The following ZDHHC2 variants were observed in gnomAD, a reference collection of about 807,000 sequenced individuals.
ZDHHC2 encodes zDHHC palmitoyltransferase 2.
A neutral mutation model predicts 55.6 loss-of-function variants in ZDHHC2; 51 were observed. That is an observed-to-expected ratio of 0.92 (90% CI 0.73 to 1.16). The LOEUF (loss-of-function observed/expected upper bound fraction) is 1.16. ZDHHC2 is among the 50% of genes most tolerant of loss of function. ZDHHC2 has a pLI of 0.00. For synonymous variants in ZDHHC2, 199 were observed against 152.9 expected (o/e 1.30, Z -2.22); for missense variants, 491 against 442.4 (o/e 1.11, Z -0.99).
intron 1 of ZDHHC2, among the ~76,000 whole-genome samples, chr8:17,159,843 C>T (rs1464524175): frequency 1.3e-5 from 2 of 152,084 alleles, no homozygotes; most frequent in African/African-American, 4.8e-5. Flanking sequence ...TGTATTCCTC[C>T]CCCTCCATCC....
At chr8:17,171,504 G>A (rs186859620) in intron 1 of ZDHHC2, among the ~76,000 whole-genome samples, 5 of 152,182 alleles carry the variant, frequency 3.3e-5, no homozygotes, top group East Asian at 1.9e-4. Flanking sequence ...ATGAGGTGAC[G>A]TCTTTATTCC....
intron 6 of ZDHHC2, among the ~76,000 whole-genome samples, chr8:17,199,146 C>T (rs961682844): frequency 6.6e-6 from 1 of 152,144 alleles, no homozygotes; most frequent in Non-Finnish European, 1.5e-5. Context: ...CCCACAGGTC[C>T]ACAGTAGGTA....
At chr8:17,171,445 T>C (rs1435090103) in intron 1 of ZDHHC2, among the ~76,000 whole-genome samples, 3 of 152,196 alleles carry the variant, frequency 2.0e-5, no homozygotes, top group Non-Finnish European at 4.4e-5. Flanking sequence ...GAAATGGTCC[T>C]TCCCTTTGCC....
At chr8:17,175,102 C>G (rs1805062654) in intron 1 of ZDHHC2, among the ~76,000 whole-genome samples, 1 of 152,068 alleles carries the variant, frequency 6.6e-6, no homozygotes, top group Non-Finnish European at 1.5e-5. Context: ...TAATTTCTAG[C>G]ATAGTTTAGC....
At chr8:17,208,895 T>G (rs527525783) in intron 8 of ZDHHC2, among the ~76,000 whole-genome samples, 57 of 152,228 alleles carry the variant, frequency 3.7e-4, no homozygotes, top group Middle Eastern at 3.4e-3. Flanking sequence ...GATAATATGA[T>G]CCTTTGAAAT....
At chr8:17,207,904 G>C in intron 7 of ZDHHC2, 56 bp from the exon 8 acceptor site, 1 of 1,262,336 alleles carries the variant, frequency 7.9e-7, no homozygotes. Context: ...ACTTATAAAA[G>C]TAGGGGAATA....
chr8:17,198,495 C>A, intron 6 of ZDHHC2, 82 bp downstream of exon 6: 1 of 1,312,418 alleles, frequency 7.6e-7, no homozygotes, highest in South Asian at 1.7e-5. Flanking sequence ...TAAATCTTTT[C>A]ACACATGAAA....
intron 1 of ZDHHC2, among the ~76,000 whole-genome samples, chr8:17,158,895 T>A (rs905608199): frequency 5.3e-5 from 8 of 152,240 alleles, no homozygotes; most frequent in African/African-American, 1.9e-4. Flanking sequence ...AACAAATAAA[T>A]GATTCAGAGG....
intron 1 of ZDHHC2, among the ~76,000 whole-genome samples, chr8:17,183,480 C>G (rs1805540163): frequency 6.6e-6 from 1 of 152,186 alleles, no homozygotes; most frequent in South Asian, 2.1e-4. Context: ...GGAGAACAGG[C>G]CATTTGTAAA....
At chr8:17,174,605 A>C (rs1805033720) in intron 1 of ZDHHC2, among the ~76,000 whole-genome samples, 1 of 152,182 alleles carries the variant, frequency 6.6e-6, no homozygotes, top group Non-Finnish European at 1.5e-5. Context: ...ACAGAAAGCA[A>C]ATCTTTTGGG....
At chr8:17,216,203 G>T (rs965808819) in intron 11 of ZDHHC2, among the ~76,000 whole-genome samples, 2 of 152,148 alleles carry the variant, frequency 1.3e-5, no homozygotes, top group African/African-American at 4.8e-5. Flanking sequence ...AAATAAACCA[G>T]TCAACGTTTT....
chr8:17,215,445 T>C (rs755393322), intron 11 of ZDHHC2, 96 bp downstream of exon 11: 6 of 966,254 alleles, frequency 6.2e-6, no homozygotes, highest in Non-Finnish European at 9.5e-6. Flanking sequence ...ACAGATGTTT[T>C]CTTAGTTTGG....
At chr8:17,189,791 A>C (rs560281384) in intron 3 of ZDHHC2, among the ~76,000 whole-genome samples, 2 of 152,348 alleles carry the variant, frequency 1.3e-5, no homozygotes, top group South Asian at 4.1e-4. Flanking sequence ...TTATAACGGT[A>C]TCAGGCTTCA....
At chr8:17,182,491 A>G (rs544708112) in intron 1 of ZDHHC2, among the ~76,000 whole-genome samples, 2 of 152,222 alleles carry the variant, frequency 1.3e-5, no homozygotes, top group African/African-American at 4.8e-5. Context: ...GCGAAAGTGT[A>G]ATTGGATACA....
chr8:17,163,018 T>C (rs1804423920), intron 1 of ZDHHC2: 1 of 152,246 alleles, frequency 6.6e-6, no homozygotes, highest in Admixed American at 6.5e-5. Flanking sequence ...TTGTTTTAGC[T>C]CCCTCACTTC....
At chr8:17,196,628 T>G (rs763681763) in intron 4 of ZDHHC2, among the ~76,000 whole-genome samples, 1 of 150,942 alleles carries the variant, frequency 6.6e-6, no homozygotes, top group Non-Finnish European at 1.5e-5. Context: ...CGACTCTGTG[T>G]GGTGTTTCAT....
At chr8:17,183,844 A>G (rs970089023) in intron 1 of ZDHHC2, among the ~76,000 whole-genome samples, 3 of 152,032 alleles carry the variant, frequency 2.0e-5, no homozygotes, top group African/African-American at 7.2e-5. Context: ...TGCTAGCTCT[A>G]GAAATGCCTG....
At chr8:17,177,301 G>A (rs1805190516) in intron 1 of ZDHHC2, among the ~76,000 whole-genome samples, 2 of 152,248 alleles carry the variant, frequency 1.3e-5, no homozygotes, top group African/African-American at 4.8e-5. Context: ...AAGGAGGTTG[G>A]GGGTAGAGAG....
rs966781670 is a variant in ZDHHC2, at chr8:17,197,479, A to T, written c.374-103A>T. 6 of 1,000,640 alleles carry T rather than the reference A, an allele frequency of 6.0e-6. No homozygotes were observed. In the African/African-American group the frequency reaches 9.9e-5, roughly 17 times the overall value. 62.0% of individuals were successfully genotyped at this position (1,000,640 alleles called of 1,614,324 possible). On this transcript the variant is annotated intron_variant, in intron 4 of 12. Transcript: ENST00000262096. ...TATTTTTTTACCATATTTAAATTTC[A>T]TATGCTTTTTAAAATTTAAATTTGG...
Sources: allele counts gnomAD v4.1 joint callset (sites outside exome capture counted in the v4.1 genomes callset), GRCh38; gene constraint gnomAD v4.1.1; transcripts MANE v1.5; gene names NCBI Gene and HGNC (gene_info 2026-07-23, HGNC 2026-07-21).